CAMTA1: variants seen among roughly 807,000 people sequenced by gnomAD.
The protein encoded by CAMTA1 is calmodulin binding transcription activator 1, also known as calmodulin-binding transcription activator 1.
In CAMTA1, 27 loss-of-function variants were observed where a neutral mutation model predicts 170.9. The ratio of observed to expected loss-of-function variants is 0.16; its 90% CI spans 0.12 to 0.22. CAMTA1 has a LOEUF of 0.22. CAMTA1 is among the 10% of genes least tolerant of loss of function. CAMTA1 has a pLI of 1.00. For missense variants in CAMTA1, 1,619 were observed against 2,217.2 expected (o/e 0.73, Z 5.42); for synonymous variants, 833 against 891.5 (o/e 0.93, Z 1.17).
intron 5 of CAMTA1, among the ~76,000 whole-genome samples, chr1:7,289,439 C>A (rs1440625851): frequency 6.6e-6 from 1 of 152,026 alleles, no homozygotes. Flanking sequence ...GAAGGGGCAC[C>A]CTGTCCTCGG....
chr1:7,575,432 T>C (rs2095179326), intron 6 of CAMTA1, among the ~76,000 whole-genome samples: 1 of 152,196 alleles, frequency 6.6e-6, no homozygotes, highest in African/African-American at 2.4e-5. Context: ...AAGTTCCTCC[T>C]GTTTCTTAGG....
chr1:7,166,047 G>C (rs559497930), intron 4 of CAMTA1, among the ~76,000 whole-genome samples: 87 of 149,252 alleles, frequency 5.8e-4, no homozygotes, highest in South Asian at 1.3e-3. Context: ...TCTCTAAGCG[G>C]GGGGGTGTGT....
intron 6 of CAMTA1, among the ~76,000 whole-genome samples, chr1:7,568,249 G>A (rs867628026): frequency 0.02 from 1,935 of 94,780 alleles, 52 homozygotes; most frequent in African/African-American, 0.08. Flanking sequence ...CAACATCACC[G>A]TCGTCATCAT....
intron 6 of CAMTA1, among the ~76,000 whole-genome samples, chr1:7,590,022 G>A (rs1014134955): frequency 2.0e-5 from 3 of 152,180 alleles, no homozygotes; most frequent in East Asian, 1.9e-4. Flanking sequence ...ACGATCGCAT[G>A]GAGCTTGCCC....
chr1:7,155,933 G>A (rs1368387174), intron 4 of CAMTA1, among the ~76,000 whole-genome samples: 6 of 152,158 alleles, frequency 3.9e-5, no homozygotes, highest in Non-Finnish European at 8.8e-5. Context: ...CTCTTCTAGA[G>A]CTAGCTCTGT....
intron 18 of CAMTA1, among the ~76,000 whole-genome samples, chr1:7,746,618 C>T (rs894092946): frequency 5.3e-5 from 8 of 152,110 alleles, no homozygotes; most frequent in African/African-American, 1.7e-4. Context: ...GCTTTTCCGG[C>T]ACAGAACAAT....
chr1:7,537,250 C>T (rs911025760), intron 6 of CAMTA1, among the ~76,000 whole-genome samples: 2 of 152,180 alleles, frequency 1.3e-5, no homozygotes, highest in African/African-American at 4.8e-5. Flanking sequence ...TTGGAAAGGA[C>T]ACCTTTCCTG....
In CAMTA1 at chr1:7,733,675, A is replaced by AT. The variant is rs2096750349; in HGVS notation, c.3066+1076_3066+1077insT. The stretch of plus-strand genomic sequence containing the variant: ...ATCTCCACTACTCAGTCGTTGCAAA[A>AT]AAAACCTCAAATAATGCCCCCTCTT... On this transcript the variant is annotated intron_variant, in intron 12 of 22. Coordinates refer to ENST00000303635, the MANE Select transcript of CAMTA1 (RefSeq NM_015215.4). 2.0e-5 allele frequency among the ~76,000 whole-genome samples: 3 copies of AT among 151,838 alleles called. No individual in the cohort carries two copies. In the South Asian group the frequency reaches 6.3e-4, roughly 32 times the overall value.
chr1:7,233,407 G>C (rs1358835467), intron 4 of CAMTA1, among the ~76,000 whole-genome samples: 2 of 152,168 alleles, frequency 1.3e-5, no homozygotes, highest in African/African-American at 4.8e-5. Flanking sequence ...AGCAGGAATG[G>C]CTGGTCCTCT....
At chr1:7,280,259 C>T (rs1350289632) in intron 5 of CAMTA1, among the ~76,000 whole-genome samples, 2 of 152,220 alleles carry the variant, frequency 1.3e-5, no homozygotes, top group Non-Finnish European at 2.9e-5. Context: ...GAGAAGCCCT[C>T]TGGTTTTCTG....
At chr1:7,358,506 C>A (rs1017795906) in intron 5 of CAMTA1, among the ~76,000 whole-genome samples, 1 of 151,920 alleles carries the variant, frequency 6.6e-6, no homozygotes, top group South Asian at 2.1e-4. Context: ...GCTTCCGGTG[C>A]GGAGCCTCCC....
At chr1:7,473,562 T>C (rs928886419) in intron 6 of CAMTA1, among the ~76,000 whole-genome samples, 9 of 152,220 alleles carry the variant, frequency 5.9e-5, no homozygotes, top group Non-Finnish European at 1.2e-4. Context: ...ACACAGGCCC[T>C]ATAGGCCTCA....
intron 3 of CAMTA1, among the ~76,000 whole-genome samples, chr1:7,013,920 CTCCTCCA>C (rs1700171773): frequency 1.3e-5 from 2 of 152,226 alleles, no homozygotes; most frequent in African/African-American, 4.8e-5. Context: ...AGCTGAGAGC[CTCCTCCA>C]AAGTCAGAGA....
At chr1:6,906,363 G>C (rs1009838936) in intron 3 of CAMTA1, among the ~76,000 whole-genome samples, 5 of 152,200 alleles carry the variant, frequency 3.3e-5, no homozygotes, top group Admixed American at 3.3e-4. Context: ...GCTACTTAGA[G>C]ATGGCAGAAA....
At chr1:7,161,649 T>C (rs1428115848) in intron 4 of CAMTA1, among the ~76,000 whole-genome samples, 2 of 152,226 alleles carry the variant, frequency 1.3e-5, no homozygotes, top group African/African-American at 4.8e-5. Context: ...TCACCTTCTG[T>C]CATGATTGTG....
At chr1:7,510,206 T>C (rs2094185033) in intron 6 of CAMTA1, among the ~76,000 whole-genome samples, 1 of 139,500 alleles carries the variant, frequency 7.2e-6, no homozygotes, top group South Asian at 2.5e-4. Context: ...CTGTTTGGGA[T>C]ATTGAAGGGG....
intron 5 of CAMTA1, among the ~76,000 whole-genome samples, chr1:7,438,363 GAGA>G (rs985469003): frequency 4.6e-5 from 7 of 152,192 alleles, no homozygotes; most frequent in Non-Finnish European, 7.4e-5. Flanking sequence ...TAAATCCTTT[GAGA>G]AGAAGCCAAA....
intron 5 of CAMTA1, among the ~76,000 whole-genome samples, chr1:7,310,901 T>G (rs935109921): frequency 1.3e-5 from 2 of 151,848 alleles, no homozygotes; most frequent in Non-Finnish European, 2.9e-5. Flanking sequence ...CGACTAATTT[T>G]TGTATTTTTA....
At chr1:7,623,542 C>G (rs2095613107) in intron 6 of CAMTA1, among the ~76,000 whole-genome samples, 1 of 152,234 alleles carries the variant, frequency 6.6e-6, no homozygotes, top group Admixed American at 6.5e-5. Context: ...ACCTCGCCCT[C>G]AAGCATCTGA....
Sources: gnomAD v4.1 joint callset for allele counts (sites outside exome capture counted in the v4.1 genomes callset) on GRCh38, gnomAD v4.1.1 for gene constraint, MANE v1.5 for transcripts, NCBI Gene and HGNC (gene_info 2026-07-23, HGNC 2026-07-21) for gene names.